The following SHISA9 variants were observed in gnomAD, a reference collection of about 807,000 sequenced individuals.
SHISA9 encodes the protein protein shisa-9.
A neutral mutation model predicts 38.0 loss-of-function variants in SHISA9; 13 were observed. The ratio of observed to expected loss-of-function variants is 0.34; its 90% CI spans 0.22 to 0.54. SHISA9 has a LOEUF of 0.54. Among genes scored for constraint, SHISA9 ranks in the 20% least tolerant of loss-of-function variants. The pLI is 0.91. For synonymous variants in SHISA9, 275 were observed against 242.0 expected, an observed-to-expected ratio of 1.14 and a Z score of -1.27; for missense variants, 538 against 575.8, an observed-to-expected ratio of 0.93 and a Z score of 0.67.
At chr16:13,507,908 T>G in the SHISA9 span, among the ~76,000 whole-genome samples, 1 of 152,228 alleles carries the variant, frequency 6.6e-6, no homozygotes, top group South Asian at 2.1e-4. Context: ...GTGCACACAC[T>G]ATTTTAATGA....
rs920661319 is a variant in SHISA9, at chr16:12,902,679, C to G, written c.563+52C>G. ...CTCGGGGCTTCGCTCTCCCTGCTCT[C>G]TCCTCCCCACCTTCCCCCAGGCAAT... On this transcript the variant is annotated intron_variant, in intron 1 of 4. Coordinates refer to ENST00000558583, the MANE Select transcript of SHISA9 (RefSeq NM_001145204.3). The G allele has an allele frequency of 2.2e-5, 32 of 1,458,348 alleles. No individual in the cohort carries two copies. The Admixed American group carries it at 7.1e-4, about 32-fold the overall frequency. 90.3% of individuals were successfully genotyped at this position (1,458,348 alleles called of 1,614,324 possible). A position where few individuals can be genotyped will look rare whatever the true frequency, so the allele number is the denominator to read the frequency against.
the SHISA9 span, among the ~76,000 whole-genome samples, chr16:13,264,131 C>A: frequency 7.3e-5 from 11 of 151,362 alleles, no homozygotes; most frequent in African/African-American, 2.2e-4. Flanking sequence ...GCTTCTACAA[C>A]TCAATAGGGG....
chr16:13,143,826 A>C (rs1482123703), intron 2 of SHISA9, among the ~76,000 whole-genome samples: 3 of 152,170 alleles, frequency 2.0e-5, no homozygotes, highest in Non-Finnish European at 4.4e-5. Context: ...TCTCTTCCCA[A>C]ATCCACATTC....
intron 2 of SHISA9, among the ~76,000 whole-genome samples, chr16:13,113,265 A>G (rs966489408): frequency 6.6e-6 from 1 of 151,454 alleles, no homozygotes; most frequent in Non-Finnish European, 1.5e-5. Context: ...TCAGGCCTAG[A>G]CTGACCTAAA....
the SHISA9 span, among the ~76,000 whole-genome samples, chr16:13,349,325 C>T: frequency 0.015 from 2,246 of 152,314 alleles, 31 homozygotes; most frequent in Admixed American, 0.032. Flanking sequence ...ATAGAGGCAG[C>T]TCTGGGTTCT....
chr16:13,156,605 G>A (rs911281381), intron 2 of SHISA9, among the ~76,000 whole-genome samples: 1 of 151,848 alleles, frequency 6.6e-6, no homozygotes, highest in Non-Finnish European at 1.5e-5. Context: ...ATGGTGGTGG[G>A]CGCCTGCAGT....
chr16:13,191,979 C>T (rs1050065828), intron 2 of SHISA9, among the ~76,000 whole-genome samples: 6 of 152,138 alleles, frequency 3.9e-5, no homozygotes, highest in Non-Finnish European at 8.8e-5. Context: ...TGTTGATGTG[C>T]TCATCAACAG....
chr16:13,529,264 G>A, the SHISA9 span, among the ~76,000 whole-genome samples: 1 of 152,178 alleles, frequency 6.6e-6, no homozygotes, highest in Non-Finnish European at 1.5e-5. Flanking sequence ...ACCCCAAAAG[G>A]TCAATCTGGA....
intron 2 of SHISA9, among the ~76,000 whole-genome samples, chr16:13,060,637 C>CAAAA (rs5815739): frequency 2.9e-4 from 25 of 86,552 alleles, no homozygotes; most frequent in African/African-American, 8.9e-4. Flanking sequence ...GACCCCATCT[C>CAAAA]AAAAAAAAAA....
At chr16:13,380,337 AAAG>A in the SHISA9 span, among the ~76,000 whole-genome samples, 63 of 152,320 alleles carry the variant, frequency 4.1e-4, no homozygotes, top group African/African-American at 1.4e-3. Context: ...TCACATTTTA[AAAG>A]AAGGGGGGAA....
In SHISA9 at chr16:13,139,714, T is replaced by C. The variant is rs540621365; in HGVS notation, c.692-63680T>C. On this transcript the variant is annotated intron_variant, in intron 2 of 4. Coordinates refer to ENST00000558583, the MANE Select transcript of SHISA9 (RefSeq NM_001145204.3). ...AATTCAGTTTCCAAACCACTGGAAT[T>C]GACCATCTGAGGTGGACATTTTGTT... Among the ~76,000 whole-genome samples the C allele has an allele frequency of 2.0e-5, 3 of 152,284 alleles. No homozygotes were observed. In the South Asian group the frequency reaches 6.2e-4, roughly 32 times the overall value.
At chr16:13,325,072 G>T in the SHISA9 span, among the ~76,000 whole-genome samples, 1 of 152,174 alleles carries the variant, frequency 6.6e-6, no homozygotes, top group East Asian at 1.9e-4. Context: ...GCAGACTTCA[G>T]AGAGAATAGA....
At chr16:13,347,339 C>T in the SHISA9 span, among the ~76,000 whole-genome samples, 3 of 152,114 alleles carry the variant, frequency 2.0e-5, no homozygotes, top group Non-Finnish European at 1.5e-5. Flanking sequence ...CTGCATACCT[C>T]GTTTGGGCAC....
downstream of SHISA9, among the ~76,000 whole-genome samples, chr16:13,241,333 C>G (rs1392279600): frequency 5.3e-5 from 8 of 152,108 alleles, no homozygotes. Flanking sequence ...GTGGATTAAC[C>G]CCATCTTTAT....
chr16:13,292,334 T>C, the SHISA9 span, among the ~76,000 whole-genome samples: 1 of 151,872 alleles, frequency 6.6e-6, no homozygotes, highest in African/African-American at 2.4e-5. Flanking sequence ...AACAGAGGAG[T>C]TGGATATTCC....
chr16:13,533,757 A>G, the SHISA9 span, among the ~76,000 whole-genome samples: 1 of 149,490 alleles, frequency 6.7e-6, no homozygotes, highest in African/African-American at 2.5e-5. Flanking sequence ...CTATAAGTCT[A>G]TATGCATGCT....
chr16:12,908,601 C>T (rs1343452729), intron 1 of SHISA9: 2 of 1,551,576 alleles, frequency 1.3e-6, no homozygotes, highest in South Asian at 1.2e-5. Flanking sequence ...TCCTTGGCCG[C>T]TAGGCTGCAC....
chr16:13,228,112 A>G (rs188055680), intron 4 of SHISA9, among the ~76,000 whole-genome samples: 1 of 152,242 alleles, frequency 6.6e-6, no homozygotes, highest in Non-Finnish European at 1.5e-5. Flanking sequence ...ACACCTAAGG[A>G]AACAGGCATA....
At chr16:13,505,372 A>T in the SHISA9 span, among the ~76,000 whole-genome samples, 1 of 152,058 alleles carries the variant, frequency 6.6e-6, no homozygotes, top group African/African-American at 2.4e-5. Context: ...CTCTATGGAG[A>T]CCTGGGGTAA....
Sources: gnomAD v4.1 joint callset for allele counts (sites outside exome capture counted in the v4.1 genomes callset) on GRCh38, gnomAD v4.1.1 for gene constraint, MANE v1.5 for transcripts, NCBI Gene and HGNC (gene_info 2026-07-23, HGNC 2026-07-21) for gene names.